Variants in RNF169 observed in about 807,000 individuals in gnomAD.
The protein encoded by RNF169 is ring finger protein 169.
RNF169 carries 24 observed loss-of-function variants against 53.9 expected under a neutral mutation model. The observed-to-expected ratio is 0.45, with a 90% confidence interval of 0.32 to 0.63. The LOEUF (loss-of-function observed/expected upper bound fraction) is 0.63, where lower values mean the gene tolerates loss of function less well. Ranked by LOEUF, RNF169 falls within the 20% of genes least tolerant of loss-of-function variation. The pLI, the probability that RNF169 is intolerant of heterozygous loss-of-function variation, is 0.04. For synonymous variants in RNF169, 396 were observed against 363.5 expected (o/e 1.09, Z -1.02); for missense variants, 883 against 906.2 (o/e 0.97, Z 0.33).
chr11:74,797,399 AAGT>A (rs2035664896), intron 2 of RNF169, among the ~76,000 whole-genome samples: 2 of 152,298 alleles, frequency 1.3e-5, no homozygotes, highest in South Asian at 4.1e-4. Flanking sequence ...TTTATTTAAA[AAGT>A]AGCTTTATTT....
chr11:74,834,919 G>A (rs2036230861), intron 5 of RNF169, 144 bp downstream of exon 5: 1 of 557,794 alleles, frequency 1.8e-6, no homozygotes, highest in Admixed American at 3.4e-5. Context: ...TCCACAAACA[G>A]ATGTGAAGGA....
At chr11:74,823,594 G>T (rs1046508987) in intron 4 of RNF169, among the ~76,000 whole-genome samples, 1 of 151,918 alleles carries the variant, frequency 6.6e-6, no homozygotes, top group African/African-American at 2.4e-5. Flanking sequence ...AAAATCAGCC[G>T]AGCATAGTGA....
At chr11:74,749,798 G>T (rs1591380763) in intron 1 of RNF169, among the ~76,000 whole-genome samples, 1 of 152,264 alleles carries the variant, frequency 6.6e-6, no homozygotes, top group South Asian at 2.1e-4. Flanking sequence ...AGTGAAGGGT[G>T]TGGAGAATCC....
In RNF169 at chr11:74,836,100, T is replaced by C; in HGVS notation, c.1497T>C (p.Ala499=). ...CTGAGTATACTGGACCCACCTCTGCTGATCTTGATCATTTCCCCTCTGTTA... is the reference window on the plus strand; with the variant it reads ...CTGAGTATACTGGACCCACCTCTGCCGATCTTGATCATTTCCCCTCTGTTA... ...VLSEYTGPTS[A]DLDHFPSVSQ... is the part of the protein sequence containing the mutation. The change falls in exon 6 of 6, where the codon GCT becomes GCC. Residue 499 remains alanine, a synonymous_variant. Coordinates refer to ENST00000299563, the MANE Select transcript of RNF169 (RefSeq NM_001098638.2). 6.2e-7 allele frequency: 1 copy of C among 1,614,226 alleles called. No individual in the cohort carries two copies. The highest frequency in any genetic ancestry group is 8.5e-7 in the Non-Finnish European group (1 of 1,180,044).
chr11:74,791,439 A>G (rs915997154), intron 2 of RNF169, among the ~76,000 whole-genome samples: 4 of 152,204 alleles, frequency 2.6e-5, no homozygotes, highest in Admixed American at 6.5e-5. Flanking sequence ...TGCCCTGTAC[A>G]GTACCCACAG....
intron 2 of RNF169, among the ~76,000 whole-genome samples, chr11:74,803,837 G>A (rs12278314): frequency 0.041 from 6,273 of 152,232 alleles, 135 homozygotes; most frequent in African/African-American, 0.058. Flanking sequence ...TTTTTCATGA[G>A]GAAATGAGCA....
At chr11:74,797,354 G>A (rs928854065) in intron 2 of RNF169, among the ~76,000 whole-genome samples, 1 of 152,188 alleles carries the variant, frequency 6.6e-6, no homozygotes, top group Non-Finnish European at 1.5e-5. Context: ...ATCATGAACT[G>A]AATGTTGAGC....
intron 3 of RNF169, among the ~76,000 whole-genome samples, chr11:74,812,214 A>G (rs1339350406): frequency 3.3e-5 from 5 of 152,224 alleles, no homozygotes; most frequent in African/African-American, 1.2e-4. Flanking sequence ...TGCATTGAAT[A>G]AAATCTGACC....
chr11:74,770,810 T>G (rs2135325110), intron 1 of RNF169, among the ~76,000 whole-genome samples: 1 of 152,252 alleles, frequency 6.6e-6, no homozygotes. Context: ...TTTTGTTTTG[T>G]TTTTGTTTTT....
At chr11:74,811,395 C>T in intron 3 of RNF169, among the ~76,000 whole-genome samples, 1 of 152,134 alleles carries the variant, frequency 6.6e-6, no homozygotes, top group Non-Finnish European at 1.5e-5. Context: ...GCTTGTGCCA[C>T]TATACCCAGT....
intron 1 of RNF169, 137 bp from the exon 2 acceptor site, chr11:74,789,489 G>C (rs1325371803): frequency 1.9e-6 from 1 of 522,838 alleles, no homozygotes; most frequent in Admixed American, 3.1e-5. Context: ...CTTTTTGATA[G>C]TATTTAAGAC....
intron 1 of RNF169, among the ~76,000 whole-genome samples, chr11:74,749,772 T>G (rs377375500): frequency 1.3e-5 from 2 of 152,142 alleles, no homozygotes; most frequent in East Asian, 1.9e-4. Context: ...ATGTGGCTCC[T>G]GGCCTTGAAA....
chr11:74,830,961 T>C (rs969089109), intron 4 of RNF169: 1 of 152,114 alleles, frequency 6.6e-6, no homozygotes, highest in Non-Finnish European at 1.5e-5. Context: ...TTATACCCTT[T>C]CATGAGAAAA....
intron 1 of RNF169, among the ~76,000 whole-genome samples, chr11:74,773,565 C>T (rs867719413): frequency 6.6e-6 from 1 of 152,152 alleles, no homozygotes; most frequent in Non-Finnish European, 1.5e-5. Flanking sequence ...CCTACTGAAT[C>T]CCAGGCACAA....
chr11:74,801,777 A>T (rs1418179691), intron 2 of RNF169, among the ~76,000 whole-genome samples: 1 of 152,172 alleles, frequency 6.6e-6, no homozygotes, highest in African/African-American at 2.4e-5. Context: ...AGCAAAGAGG[A>T]TGATATTTAA....
intron 4 of RNF169, among the ~76,000 whole-genome samples, chr11:74,821,732 CAT>C (rs2036013932): frequency 6.8e-6 from 1 of 147,884 alleles, no homozygotes; most frequent in Non-Finnish European, 1.5e-5. Context: ...ACATAAAATA[CAT>C]GAGTAGTTCC....
intron 4 of RNF169, among the ~76,000 whole-genome samples, chr11:74,822,995 A>G (rs747321695): frequency 4.9e-4 from 74 of 152,310 alleles, no homozygotes; most frequent in Admixed American, 1.4e-3. Flanking sequence ...TTGTTTGGGC[A>G]CTTTAAATCC....
intron 4 of RNF169, chr11:74,832,089 T>C (rs2036187516): frequency 6.6e-6 from 1 of 152,208 alleles, no homozygotes; most frequent in Non-Finnish European, 1.5e-5. Context: ...ATAACTGATC[T>C]CTTACAGCAC....
chr11:74,799,904 A>G (rs2035705916), intron 2 of RNF169, among the ~76,000 whole-genome samples: 1 of 151,250 alleles, frequency 6.6e-6, no homozygotes, highest in Non-Finnish European at 1.5e-5. Context: ...TAAGCTTAAG[A>G]CTTTTTAAAA....
Sources: gnomAD v4.1 joint callset for allele counts (sites outside exome capture counted in the v4.1 genomes callset) on GRCh38, gnomAD v4.1.1 for gene constraint, MANE v1.5 for transcripts, NCBI Gene and HGNC (gene_info 2026-07-23, HGNC 2026-07-21) for gene names.